TMEM26: variants seen among roughly 807,000 people sequenced by gnomAD.
The protein encoded by TMEM26 is transmembrane protein 26.
A neutral mutation model predicts 28.8 loss-of-function variants in TMEM26; 38 were observed. That is an observed-to-expected ratio of 1.32 (90% CI 1.02 to 1.73). The LOEUF is 1.73. Ranked by LOEUF, TMEM26 falls within the 40% of genes most tolerant of loss-of-function variation. The pLI is 0.00. For synonymous variants in TMEM26, 227 were observed against 182.9 expected, an observed-to-expected ratio of 1.24 and a Z score of -1.95; for missense variants, 518 against 447.1, an observed-to-expected ratio of 1.16 and a Z score of -1.43.
rs1387444917 is a variant in TMEM26 at position 61,421,221 on chromosome 10, A to G, written c.606-7686T>C. ...AATAATTCAATAAATGCATGGAGAA[A>G]TTAACAAGAAATTGACTTAAAAATG... On this transcript the variant is annotated intron_variant, in intron 4 of 5. Transcript: ENST00000399298. 2.0e-5 allele frequency among the ~76,000 whole-genome samples: 3 copies of G among 152,258 alleles called. No individual in the cohort carries two copies. In the East Asian group the frequency reaches 5.8e-4, roughly 29 times the overall value.
intron 4 of TMEM26, among the ~76,000 whole-genome samples, chr10:61,415,398 T>C (rs1412669324): frequency 6.6e-6 from 1 of 152,120 alleles, no homozygotes; most frequent in African/African-American, 2.4e-5. Flanking sequence ...AGTCAATGTC[T>C]ATACACAACA....
chr10:61,409,379 T>C lies in TMEM26; in HGVS notation c.*943A>G, dbSNP rs1839535577. The C allele has an allele frequency of 6.6e-6, 1 of 152,178 alleles. No individual in the cohort carries two copies. Among genetic ancestry groups the C allele is most frequent in the South Asian group, 2.1e-4 (1 of 4,834 alleles). The allele number at this position is 152,178 out of a possible 1,614,324, so 9.4% of individuals were successfully genotyped here. ...TGAGAGCAAAGGCCACTTCCAGTAG[T>C]CGCGGTTCAAAGAAGCTGCAGCTTT... On this transcript the variant is annotated 3_prime_UTR_variant, in exon 6 of 6. Coordinates refer to ENST00000399298, the MANE Select transcript of TMEM26 (RefSeq NM_178505.8).
At position 61,431,278 on chromosome 10, in the gene TMEM26, A is replaced by C; in HGVS notation, c.325T>G (p.Phe109Val). 1 of 1,613,242 alleles carries C rather than the reference A, an allele frequency of 6.2e-7. No homozygotes were observed. Among genetic ancestry groups the C allele is most frequent in the Non-Finnish European group, 8.5e-7 (1 of 1,179,390 alleles). The part of the protein sequence containing the change: ...TSQNTSRKED[F>V]NQTLTSNEQT... ...TCATTGGATGTCAATGTTTGATTGAAGTCTTCTTTTCTGCTGGTATTCTGT... is the reference window on the plus strand; with the variant it reads ...TCATTGGATGTCAATGTTTGATTGACGTCTTCTTTTCTGCTGGTATTCTGT... The change falls in exon 3 of 6, where the codon TTC becomes GTC. Residue 109 changes from phenylalanine (F) to valine (V), a missense_variant. Phe to Val is a conservative substitution (Grantham distance 50). Transcript: ENST00000399298.
Position 61,410,557 on chromosome 10 carries a change from G to T in TMEM26, c.872C>A (p.Ala291Glu), listed in dbSNP as rs1017279780. Residue 291 changes from alanine (A) to glutamate (E), a missense_variant, in exon 6 of 6, where the codon GCG becomes GAG. Transcript: ENST00000399298. Reference sequence around the variant, plus strand: ...CAACACCACCACGAGGAAGTTCTTCGCGGCAAAGAACACCAGCATCTGATT... The same window carrying T: ...CAACACCACCACGAGGAAGTTCTTCTCGGCAAAGAACACCAGCATCTGATT... ...VINQMLVFFAAKNFLVVVLQL... is the reference protein window; with the variant it reads ...VINQMLVFFAEKNFLVVVLQL... 6.2e-7 allele frequency: 1 copy of T among 1,614,094 alleles called. No individual in the cohort carries two copies. Among genetic ancestry groups the T allele is most frequent in the South Asian group, 1.1e-5 (1 of 91,082 alleles).
At position 61,414,164 on chromosome 10, in the gene TMEM26, G is replaced by T; in HGVS notation, c.606-629C>A. 3 of 630,550 alleles carry T rather than the reference G, an allele frequency of 4.8e-6. No homozygotes were observed. The South Asian group carries it at 2.1e-4, about 45-fold the overall frequency. The allele number at this position is 630,550 out of a possible 1,614,324, so 39.1% of individuals were successfully genotyped here. A position where few individuals can be genotyped will look rare whatever the true frequency, so the allele number is the denominator to read the frequency against. ...ACAACATATATTTATGGAAGGAATGGTTAAAAGCACCAAAGAAGGGTCCAT... is the reference window on the plus strand; with the variant it reads ...ACAACATATATTTATGGAAGGAATGTTTAAAAGCACCAAAGAAGGGTCCAT... On this transcript the variant is annotated intron_variant, in intron 4 of 5. Transcript: ENST00000399298.
chr10:61,422,170 A>T (rs945920134), intron 4 of TMEM26, among the ~76,000 whole-genome samples: 1 of 152,158 alleles, frequency 6.6e-6, no homozygotes, highest in Non-Finnish European at 1.5e-5. Context: ...AAAAACTGAC[A>T]GTATTTAAAA....
chr10:61,441,107 T>A (rs1840085559), intron 1 of TMEM26, among the ~76,000 whole-genome samples: 2 of 152,216 alleles, frequency 1.3e-5, no homozygotes, highest in South Asian at 4.1e-4. Flanking sequence ...ATATTTTTGA[T>A]CTGCAGTTGG....
intron 1 of TMEM26, among the ~76,000 whole-genome samples, chr10:61,447,203 T>C (rs1011889243): frequency 2.6e-5 from 4 of 152,110 alleles, no homozygotes; most frequent in Non-Finnish European, 4.4e-5. Flanking sequence ...TCCAAAAACA[T>C]TGGGGTGGGG....
intron 3 of TMEM26, among the ~76,000 whole-genome samples, chr10:61,430,571 CA>C (rs34623859): frequency 0.18 from 17,072 of 96,322 alleles, 1,984 homozygotes; most frequent in African/African-American, 0.39. Context: ...AAAGAACTGA[CA>C]AAAAAAAAAA....
rs1839512360 is a variant in TMEM26, at chr10:61,407,612, C to T, written c.*2710G>A. ...GTGTTTCCGCACAGTATCATTGAAA[C>T]ATGCACATTGTGTTTTCTTTCACAA... On this transcript the variant is annotated 3_prime_UTR_variant, in exon 6 of 6. Coordinates refer to ENST00000399298, the MANE Select transcript of TMEM26 (RefSeq NM_178505.8). 1 of 152,160 alleles carries T rather than the reference C, an allele frequency of 6.6e-6. No homozygotes were observed. Among genetic ancestry groups the T allele is most frequent in the Non-Finnish European group, 1.5e-5 (1 of 68,016 alleles). 9.4% of individuals were successfully genotyped at this position (152,160 alleles called of 1,614,324 possible).
At chr10:61,423,004 A>T (rs112659695) in intron 4 of TMEM26, among the ~76,000 whole-genome samples, 2 of 152,274 alleles carry the variant, frequency 1.3e-5, no homozygotes, top group African/African-American at 2.4e-5. Flanking sequence ...AAACTCAAGA[A>T]TGAAAAAGGA....
intron 4 of TMEM26, among the ~76,000 whole-genome samples, chr10:61,427,700 T>C (rs772520045): frequency 6.6e-6 from 1 of 152,100 alleles, no homozygotes; most frequent in Non-Finnish European, 1.5e-5. Flanking sequence ...CTATCCTATG[T>C]TCCCTCCCAA....
intron 3 of TMEM26, among the ~76,000 whole-genome samples, chr10:61,429,415 T>C (rs1205870842): frequency 1.3e-5 from 2 of 152,090 alleles, no homozygotes; most frequent in Admixed American, 1.3e-4. Context: ...ATATAGTATT[T>C]AAAGAACCAA....
At position 61,452,420 on chromosome 10, in the gene TMEM26, G is replaced by A. The variant is rs1383541479; in HGVS notation, c.191+471C>T. On this transcript the variant is annotated intron_variant, in intron 1 of 5. Transcript: ENST00000399298. ...GTGCAGCGAGGGTCTTCTCGTCTTA[G>A]GAGGGTGGCCAGTGTGCTCAGCTCT... is the stretch of plus-strand genomic sequence containing the variant. 2.0e-5 allele frequency among the ~76,000 whole-genome samples: 3 copies of A among 152,222 alleles called. No individual in the cohort carries two copies. The East Asian group carries it at 5.8e-4, about 29-fold the overall frequency.
At chr10:61,452,850 C>T (rs1040723602) in intron 1 of TMEM26, 41 bp downstream of exon 1, 1 of 1,597,744 alleles carries the variant, frequency 6.3e-7, no homozygotes, top group African/African-American at 1.3e-5. Flanking sequence ...GGACAATACC[C>T]TAGGGCCCCG....
chr10:61,413,012 GA>G, intron 5 of TMEM26: 2 of 1,224,134 alleles, frequency 1.6e-6, no homozygotes, highest in South Asian at 2.7e-5. Context: ...AAAAAAGAAT[GA>G]AAATTACTTC....
rs1304117113 is a variant in TMEM26 at position 61,409,299 on chromosome 10, A to G, written c.*1023T>C. ...AGCACATTCCGACTCCCGTCACTCA[A>G]CAAGGGCTGTTGGCCATGGGTGGAG... On this transcript the variant is annotated 3_prime_UTR_variant, in exon 6 of 6. Transcript: ENST00000399298. The G allele has an allele frequency of 6.6e-6, 1 of 152,212 alleles. No homozygotes were observed. The highest frequency in any genetic ancestry group is 1.5e-5 in the Non-Finnish European group (1 of 68,050). 9.4% of individuals were successfully genotyped at this position (152,212 alleles called of 1,614,324 possible). A position where few individuals can be genotyped will look rare whatever the true frequency, so the allele number is the denominator to read the frequency against.
chr10:61,451,923 T>C (rs1270927123), intron 1 of TMEM26, among the ~76,000 whole-genome samples: 1 of 152,130 alleles, frequency 6.6e-6, no homozygotes, highest in Admixed American at 6.5e-5. Flanking sequence ...ATTGTGTATG[T>C]AATTGTAAAT....
chr10:61,416,285 AG>A (rs1371949074), intron 4 of TMEM26, among the ~76,000 whole-genome samples: 1 of 152,138 alleles, frequency 6.6e-6, no homozygotes, highest in African/African-American at 2.4e-5. Flanking sequence ...GCAGTGGCAA[AG>A]CAGGGGGCTT....
Sources: allele counts gnomAD v4.1 joint callset (sites outside exome capture counted in the v4.1 genomes callset), GRCh38; gene constraint gnomAD v4.1.1; transcripts MANE v1.5; gene names NCBI Gene and HGNC (gene_info 2026-07-23, HGNC 2026-07-21).